Variants in INSL6 observed in about 807,000 individuals in gnomAD.
The protein encoded by INSL6 is insulin like 6, also known as insulin-like peptide INSL6.
INSL6 carries 16 observed loss-of-function variants against 9.4 expected under a neutral mutation model. That is an observed-to-expected ratio of 1.70 (90% CI 1.15 to 2.59). The LOEUF (loss-of-function observed/expected upper bound fraction) is 2.59. INSL6 is among the 30% of genes most tolerant of loss of function. The pLI is 0.00. For missense variants in INSL6, 391 were observed against 257.3 expected (o/e 1.52, Z -3.56); for synonymous variants, 154 against 96.9 (o/e 1.59, Z -3.46).
chr9:5,170,339 A>C (rs1825151791), intron 1 of INSL6, among the ~76,000 whole-genome samples: 1 of 152,206 alleles, frequency 6.6e-6, no homozygotes, highest in South Asian at 2.1e-4. Context: ...AATCTCTGGG[A>C]CATAGCTAAA....
chr9:5,100,482 A>C, the INSL6 span: 1 of 152,250 alleles, frequency 6.6e-6, no homozygotes, highest in Non-Finnish European at 1.5e-5. Context: ...CCAATATGGA[A>C]TAATTCTATT....
At chr9:5,091,719 A>C in the INSL6 span, 1 of 152,204 alleles carries the variant, frequency 6.6e-6, no homozygotes, top group East Asian at 1.9e-4. Flanking sequence ...AACTGGGTCT[A>C]GTAGAAGTGA....
At chr9:5,153,498 G>C (rs984570834) in intron 2 of INSL6, among the ~76,000 whole-genome samples, 12 of 152,184 alleles carry the variant, frequency 7.9e-5, no homozygotes, top group African/African-American at 2.9e-4. Flanking sequence ...GCAAGAGAAA[G>C]AAATAAAAGG....
chr9:5,174,425 T>A (rs998039207), intron 1 of INSL6, among the ~76,000 whole-genome samples: 8 of 152,218 alleles, frequency 5.3e-5, no homozygotes, highest in Non-Finnish European at 1.2e-4. Context: ...GCCATTCACA[T>A]CTTAATTGAT....
chr9:5,110,952 C>T, the INSL6 span: 1 of 593,834 alleles, frequency 1.7e-6, no homozygotes, highest in Non-Finnish European at 3.2e-6. Flanking sequence ...TGGACACGGA[C>T]AAGGAGCTCA....
At chr9:5,000,233 C>T in the INSL6 span, among the ~76,000 whole-genome samples, 26 of 151,496 alleles carry the variant, frequency 1.7e-4, no homozygotes, top group African/African-American at 6.1e-4. Flanking sequence ...TATCATTTTT[C>T]ACTTAGATGT....
Position 5,185,550 on chromosome 9 carries a change from C to G in INSL6, c.53G>C (p.Arg18Pro), listed in dbSNP as rs201600640. 81 of 1,614,032 alleles carry G rather than the reference C, an allele frequency of 5.0e-5. No homozygotes were observed. Among genetic ancestry groups the G allele is most frequent in the Non-Finnish European group, 8.5e-7 (1 of 1,180,016 alleles). Residue 18 changes from arginine (R) to proline (P), a missense_variant, in exon 1 of 2, where the codon CGG becomes CCG. Arg to Pro is a moderately radical substitution (Grantham distance 103). Coordinates refer to ENST00000381641, the MANE Select transcript of INSL6 (RefSeq NM_007179.3). The stretch of plus-strand genomic sequence containing the variant: ...GATGTCGCTCAGTTCACGAGAAAAC[C>G]GAACCAGCAGGAGTCCAAGCCACAG... The part of the protein sequence containing the change: ...SLLWLGLLLV[R>P]FSRELSDISS...
the INSL6 span, among the ~76,000 whole-genome samples, chr9:5,092,683 G>GC: frequency 6.6e-6 from 1 of 152,132 alleles, no homozygotes; most frequent in South Asian, 2.1e-4. Context: ...CACAGAGATA[G>GC]CCAAGTCCCC....
At chr9:5,075,015 G>C in the INSL6 span, among the ~76,000 whole-genome samples, 1 of 151,978 alleles carries the variant, frequency 6.6e-6, no homozygotes, top group Non-Finnish European at 1.5e-5. Flanking sequence ...GAAAGTTCTA[G>C]ATAGAAGATC....
At chr9:5,122,934 G>T, downstream of INSL6, 3 of 900,366 alleles carry the variant, frequency 3.3e-6, no homozygotes, top group South Asian at 1.8e-5. Flanking sequence ...TTTATACAAT[G>T]ATTTGCAGGT....
chr9:5,164,067 C>G lies in INSL6; in HGVS notation c.488G>C (p.Trp163Ser). Residue 163 changes from tryptophan (W) to serine (S), a missense_variant, in exon 2 of 2, where the codon TGG (tryptophan) becomes TCG (serine). Trp to Ser is a radical substitution (Grantham distance 177). Coordinates refer to ENST00000381641, the MANE Select transcript of INSL6 (RefSeq NM_007179.3). ...NKIKTLSNLF[W>S]GHHPQRKRRG... Reference sequence around the variant, plus strand: ...GCGTTTTCTTTGGGGATGATGCCCCCAAAACAAATTGCTTAAGGTTTTAAT... The same window carrying G: ...GCGTTTTCTTTGGGGATGATGCCCCGAAAACAAATTGCTTAAGGTTTTAAT... 2 of 1,613,694 alleles carry G rather than the reference C, an allele frequency of 1.2e-6. No individual in the cohort carries two copies. Among genetic ancestry groups the G allele is most frequent in the Non-Finnish European group, 1.7e-6 (2 of 1,179,838 alleles).
chr9:5,046,316 T>A, the INSL6 span, among the ~76,000 whole-genome samples: 6 of 152,206 alleles, frequency 3.9e-5, no homozygotes, highest in East Asian at 1.9e-4. Flanking sequence ...TAACTCCTTA[T>A]AAGATACATG....
At chr9:5,175,705 T>C (rs753017718) in intron 1 of INSL6, among the ~76,000 whole-genome samples, 7 of 152,140 alleles carry the variant, frequency 4.6e-5, no homozygotes, top group Admixed American at 6.5e-5. Context: ...TAGATTCTTA[T>C]AGGAGTGTGA....
chr9:5,041,008 C>G, the INSL6 span: 1 of 657,226 alleles, frequency 1.5e-6, no homozygotes, highest in Non-Finnish European at 2.8e-6. Context: ...GTTCCGGACC[C>G]CGCAGCTGCA....
chr9:5,128,477 A>G (rs1824146311), intron 3 of INSL6, among the ~76,000 whole-genome samples: 4 of 151,908 alleles, frequency 2.6e-5, no homozygotes, highest in Admixed American at 2.6e-4. Flanking sequence ...AGTGAAAAAT[A>G]GCCTATCATA....
At chr9:5,121,062 T>C (rs1241574718), downstream of INSL6, among the ~76,000 whole-genome samples, 1 of 152,088 alleles carries the variant, frequency 6.6e-6, no homozygotes, top group Non-Finnish European at 1.5e-5. Context: ...GAGGAATAAA[T>C]CTGATGAAGA....
the INSL6 span, chr9:5,113,790 G>A: frequency 1.8e-5 from 3 of 165,044 alleles, no homozygotes; most frequent in East Asian, 5.5e-4. Context: ...TGGGCCAAAC[G>A]CTCACCTGCA....
the INSL6 span, among the ~76,000 whole-genome samples, chr9:5,038,865 T>A: frequency 6.6e-6 from 1 of 151,992 alleles, no homozygotes. Flanking sequence ...CAAAAATCAA[T>A]CAATGTAATA....
chr9:5,109,774 A>G, the INSL6 span: 1 of 152,208 alleles, frequency 6.6e-6, no homozygotes, highest in African/African-American at 2.4e-5. Context: ...TGTTACCTGT[A>G]GAATTCTCAA....
Sources: gnomAD v4.1 joint callset for allele counts (sites outside exome capture counted in the v4.1 genomes callset) on GRCh38, gnomAD v4.1.1 for gene constraint, MANE v1.5 for transcripts, NCBI Gene and HGNC (gene_info 2026-07-23, HGNC 2026-07-21) for gene names.